The following CRKL variants were observed in gnomAD, a reference collection of about 807,000 sequenced individuals.
The protein encoded by CRKL is CRK like proto-oncogene, adaptor protein.
CRKL carries 3 observed loss-of-function variants against 23.0 expected under a neutral mutation model. The observed-to-expected ratio is 0.13, with a 90% CI of 0.06 to 0.34. The LOEUF is 0.34. CRKL is among the 10% of genes least tolerant of loss of function. CRKL has a pLI of 1.00. For missense variants in CRKL, 256 were observed against 394.5 expected, an observed-to-expected ratio of 0.65 and a Z score of 2.97; for synonymous variants, 188 against 160.7, an observed-to-expected ratio of 1.17 and a Z score of -1.28.
chr22:20,923,658 T>TC (rs1734321425), intron 1 of CRKL, among the ~76,000 whole-genome samples: 1 of 146,846 alleles, frequency 6.8e-6, no homozygotes, highest in Non-Finnish European at 1.5e-5. Context: ...CACTGCAACC[T>TC]CCACCTCCTA....
intron 1 of CRKL, among the ~76,000 whole-genome samples, chr22:20,932,274 C>G (rs5752272): frequency 0.043 from 6,469 of 151,960 alleles, 447 homozygotes; most frequent in African/African-American, 0.15. Flanking sequence ...ATGCCCGGCT[C>G]ATTTTTTGTC....
intron 1 of CRKL, among the ~76,000 whole-genome samples, chr22:20,919,071 C>CTGCA (rs997179878): frequency 1.1e-4 from 17 of 151,038 alleles, no homozygotes; most frequent in African/African-American, 3.9e-4. Flanking sequence ...AACTCCAGGA[C>CTGCA]TGCAGCCTTT....
chr22:20,926,351 A>G (rs1000400125), intron 1 of CRKL, among the ~76,000 whole-genome samples: 3 of 152,136 alleles, frequency 2.0e-5, no homozygotes, highest in Non-Finnish European at 4.4e-5. Flanking sequence ...AAAGATCTGA[A>G]GGACTAATTC....
chr22:20,947,182 ATTGAG>A (rs1382528675), intron 2 of CRKL, among the ~76,000 whole-genome samples: 1 of 150,772 alleles, frequency 6.6e-6, no homozygotes, highest in African/African-American at 2.4e-5. Flanking sequence ...GCTCTGCAGC[ATTGAG>A]TTAATAGTGT....
At position 20,920,239 on chromosome 22, in the gene CRKL, A is replaced by C. The variant is rs568403995; in HGVS notation, c.311+1994A>C. On this transcript the variant is annotated intron_variant, in intron 1 of 2. Coordinates refer to ENST00000354336, the MANE Select transcript of CRKL (RefSeq NM_005207.4). ...AGTTAATGGGCGGGTGTGGTAGCTCACGCCAGTAATCCCAGCACTTTGGGA... is the reference window on the plus strand; with the variant it reads ...AGTTAATGGGCGGGTGTGGTAGCTCCCGCCAGTAATCCCAGCACTTTGGGA... 2.6e-5 allele frequency among the ~76,000 whole-genome samples: 4 copies of C among 152,314 alleles called. No homozygotes were observed. In the East Asian group the frequency reaches 7.7e-4, roughly 29 times the overall value.
At chr22:20,927,917 T>G (rs896541455) in intron 1 of CRKL, among the ~76,000 whole-genome samples, 1 of 142,110 alleles carries the variant, frequency 7.0e-6, no homozygotes, top group African/African-American at 2.6e-5. Context: ...ATCCCAGCAC[T>G]TTGGGAGGCC....
intron 1 of CRKL, among the ~76,000 whole-genome samples, chr22:20,926,956 T>C (rs575880940): frequency 1.4e-4 from 21 of 151,036 alleles, no homozygotes; most frequent in Non-Finnish European, 2.8e-4. Context: ...TACTAAAATA[T>C]AAAAAATTAG....
intron 2 of CRKL, among the ~76,000 whole-genome samples, chr22:20,936,780 G>A (rs886697048): frequency 6.6e-6 from 1 of 152,042 alleles, no homozygotes; most frequent in African/African-American, 2.4e-5. Flanking sequence ...CTGTGGTGGG[G>A]GTCAGGGACT....
In CRKL at chr22:20,917,901, G is replaced by T; in HGVS notation, c.-34G>T. ...TGCAGAGCAGGCGAGGACAGCCGCC[G>T]CCCCTACCGCCGCAGAGTCCCCGGT... On this transcript the variant is annotated 5_prime_UTR_variant, in exon 1 of 3. Transcript: ENST00000354336. The T allele has an allele frequency of 1.3e-6, 2 of 1,596,102 alleles. No individual in the cohort carries two copies. The highest frequency in any genetic ancestry group is 8.5e-7 in the Non-Finnish European group (1 of 1,171,080).
At chr22:20,923,158 A>C (rs1033659810) in intron 1 of CRKL, among the ~76,000 whole-genome samples, 19 of 152,196 alleles carry the variant, frequency 1.2e-4, no homozygotes, top group African/African-American at 4.1e-4. Context: ...TTGGCCCTTC[A>C]AGAAAATAAT....
In CRKL at chr22:20,930,405, A is replaced by T. The variant is rs534837620; in HGVS notation, c.312-3374A>T. ...TTTTTTTTGTTTGTTTTTAAGATGG[A>T]GTCTTGCTCTGTCACCCAGGCTGGA... On this transcript the variant is annotated intron_variant, in intron 1 of 2. Coordinates refer to ENST00000354336, the MANE Select transcript of CRKL (RefSeq NM_005207.4). Among the ~76,000 whole-genome samples the T allele has an allele frequency of 2.2e-3, 340 of 152,204 alleles. 2 individuals are homozygous for T. The highest frequency in any genetic ancestry group is 4.8e-3 in the Admixed American group (73 of 15,270).
chr22:20,947,796 T>C, intron 2 of CRKL, among the ~76,000 whole-genome samples: 1 of 150,846 alleles, frequency 6.6e-6, no homozygotes, highest in Middle Eastern at 3.5e-3. Flanking sequence ...TAAACGATCT[T>C]CGCACCTCAT....
Position 20,946,906 on chromosome 22 carries a change from T to C in CRKL, c.778-2805T>C, listed in dbSNP as rs73879448. Among the ~76,000 whole-genome samples, 813 of 152,256 alleles carry C rather than the reference T, an allele frequency of 5.3e-3. 7 individuals carry two copies. Among genetic ancestry groups the C allele is most frequent in the African/African-American group, 0.019 (776 of 41,540 alleles). On this transcript the variant is annotated intron_variant, in intron 2 of 2. Coordinates refer to ENST00000354336, the MANE Select transcript of CRKL (RefSeq NM_005207.4). Reference sequence around the variant, plus strand: ...GCACAAGCACTGTTTGGTAGAGCCATGGAAGAAGCTGGTCCATAGCCAGGC... The same window carrying C: ...GCACAAGCACTGTTTGGTAGAGCCACGGAAGAAGCTGGTCCATAGCCAGGC...
chr22:20,926,068 T>TTAAA (rs1431613882), intron 1 of CRKL, among the ~76,000 whole-genome samples: 2 of 152,208 alleles, frequency 1.3e-5, no homozygotes, highest in South Asian at 4.1e-4. Context: ...GCTCTTCAAC[T>TTAAA]GATTCTTTAA....
At chr22:20,940,218 C>T (rs564265473) in intron 2 of CRKL, among the ~76,000 whole-genome samples, 59 of 152,218 alleles carry the variant, frequency 3.9e-4, no homozygotes, top group African/African-American at 1.4e-3. Flanking sequence ...CTCTCCAGAT[C>T]TGCCTCTTAT....
intron 2 of CRKL, among the ~76,000 whole-genome samples, chr22:20,942,734 G>C (rs1921924773): frequency 3.3e-5 from 5 of 151,954 alleles, no homozygotes; most frequent in Non-Finnish European, 7.4e-5. Flanking sequence ...GATTTCTCCT[G>C]CCTCAGCCTC....
intron 1 of CRKL, 116 bp downstream of exon 1, chr22:20,918,361 A>C: frequency 8.4e-7 from 1 of 1,192,446 alleles, no homozygotes; most frequent in Non-Finnish European, 1.2e-6. Flanking sequence ...TCTGAACCAA[A>C]TTATTTTCCA....
At chr22:20,933,322 A>G (rs959326444) in intron 1 of CRKL, among the ~76,000 whole-genome samples, 2 of 151,412 alleles carry the variant, frequency 1.3e-5, no homozygotes, top group African/African-American at 4.9e-5. Flanking sequence ...GTGAGCTGAG[A>G]TCCTGCCACT....
intron 2 of CRKL, among the ~76,000 whole-genome samples, chr22:20,948,707 G>A (rs1233314614): frequency 6.6e-6 from 1 of 151,950 alleles, no homozygotes; most frequent in Admixed American, 6.6e-5. Context: ...GCTGCGTTGC[G>A]CCGGCTGGTC....
Sources: allele counts gnomAD v4.1 joint callset (sites outside exome capture counted in the v4.1 genomes callset), GRCh38; gene constraint gnomAD v4.1.1; transcripts MANE v1.5; gene names NCBI Gene and HGNC (gene_info 2026-07-23, HGNC 2026-07-21).